The following TBC1D8 variants were observed in gnomAD, a reference collection of about 807,000 sequenced individuals.
TBC1D8 encodes BUB2-like protein 1.
A neutral mutation model predicts 118.8 loss-of-function variants in TBC1D8; 65 were observed. The observed-to-expected ratio is 0.55, with a 90% CI of 0.45 to 0.67. The LOEUF is 0.67. Among genes scored for constraint, TBC1D8 ranks in the 30% least tolerant of loss-of-function variants. The probability of loss-of-function intolerance (pLI) is 0.00; values close to 1 mark genes in which losing one functional copy is unlikely to be tolerated. For missense variants in TBC1D8, 1,376 were observed against 1,471.2 expected (o/e 0.94, Z 1.06); for synonymous variants, 566 against 595.8 (o/e 0.95, Z 0.73).
At chr2:101,028,696 A>G (rs1041583339) in intron 12 of TBC1D8, among the ~76,000 whole-genome samples, 2 of 152,142 alleles carry the variant, frequency 1.3e-5, no homozygotes, top group Admixed American at 1.3e-4. Flanking sequence ...ATGCAAGGTT[A>G]AGCTTCCATC....
chr2:101,037,556 G>C lies in TBC1D8; in HGVS notation c.1428C>G (p.Gly476=). Residue 476 remains glycine (G), a synonymous_variant, in exon 8 of 20, where the codon GGC becomes GGG. Transcript: ENST00000409318. ...DALVTAFQQS[G]SQSPDSRMSR... is the part of the protein sequence containing the mutation. Reference sequence around the variant, plus strand: ...CCATTCGGGAGTCAGGGCTCTGGCTGCCTGACTGCTGGAAGGCGGTGACCA... The same window carrying C: ...CCATTCGGGAGTCAGGGCTCTGGCTCCCTGACTGCTGGAAGGCGGTGACCA... 2 of 1,612,796 alleles carry C rather than the reference G, an allele frequency of 1.2e-6. No homozygotes were observed. The highest frequency in any genetic ancestry group is 2.2e-5 in the South Asian group (2 of 91,032).
rs56291532 is a variant in TBC1D8 at position 101,018,907 on chromosome 2, G to A, written c.2827+2774C>T. On this transcript the variant is annotated intron_variant, in intron 17 of 19. Coordinates refer to ENST00000409318, the MANE Select transcript of TBC1D8 (RefSeq NM_001330348.2). ...ATCCGTAGGTTTATCAATCTGCAGT[G>A]AAAACTGTTGATGTCCTAATCTTCT... 187,263 of 1,517,224 alleles carry A rather than the reference G, an allele frequency of 0.12. 12,921 individuals are homozygous for A. The highest frequency in any genetic ancestry group is 0.14 in the Non-Finnish European group (155,824 of 1,115,906). 94.0% of individuals were successfully genotyped at this position (1,517,224 alleles called of 1,614,324 possible).
At chr2:101,146,791 G>C (rs1050468402) in intron 1 of TBC1D8, among the ~76,000 whole-genome samples, 29 of 152,142 alleles carry the variant, frequency 1.9e-4, no homozygotes, top group African/African-American at 6.5e-4. Context: ...TCACCCTACT[G>C]TGCAAGAAAA....
intron 1 of TBC1D8, among the ~76,000 whole-genome samples, chr2:101,120,914 G>A (rs1678069151): frequency 6.6e-6 from 1 of 152,154 alleles, no homozygotes; most frequent in African/African-American, 2.4e-5. Flanking sequence ...ACACCTGAAA[G>A]CTGAGAGCTG....
intron 1 of TBC1D8, among the ~76,000 whole-genome samples, chr2:101,092,897 T>C (rs1046748055): frequency 5.3e-5 from 8 of 152,118 alleles, no homozygotes; most frequent in Admixed American, 1.3e-4. Context: ...TGTCTGTACA[T>C]GTGTATGTGT....
At chr2:101,150,382 C>T (rs1470419927) in intron 1 of TBC1D8, among the ~76,000 whole-genome samples, 1 of 152,088 alleles carries the variant, frequency 6.6e-6, no homozygotes, top group East Asian at 1.9e-4. Context: ...TCTAATTGTT[C>T]CTTCACTGAC....
At chr2:101,135,439 C>G (rs1458058533) in intron 1 of TBC1D8, among the ~76,000 whole-genome samples, 3 of 152,112 alleles carry the variant, frequency 2.0e-5, no homozygotes, top group African/African-American at 4.8e-5. Flanking sequence ...AATGCCACCA[C>G]CAACCTCACC....
At chr2:101,096,966 C>T (rs1676494702) in intron 1 of TBC1D8, among the ~76,000 whole-genome samples, 1 of 151,950 alleles carries the variant, frequency 6.6e-6, no homozygotes, top group Non-Finnish European at 1.5e-5. Flanking sequence ...AGACACCAAA[C>T]CACAGATCGA....
chr2:101,146,702 A>G (rs374364670), intron 1 of TBC1D8, among the ~76,000 whole-genome samples: 2 of 152,154 alleles, frequency 1.3e-5, no homozygotes, highest in East Asian at 1.9e-4. Flanking sequence ...ACCTCATGCA[A>G]TTATCATTTC....
intron 1 of TBC1D8, among the ~76,000 whole-genome samples, chr2:101,103,875 T>C (rs1677033884): frequency 6.6e-6 from 1 of 151,910 alleles, no homozygotes; most frequent in Non-Finnish European, 1.5e-5. Flanking sequence ...ATAAAAGATA[T>C]ATATATAGAG....
chr2:101,054,099 C>T lies in TBC1D8; in HGVS notation c.631+9G>A. ...TTTATCTTGGAAGAGCCTGCCAGGC[C>T]TCACTTACGTTCCTTGCCCAGGAAG... On this transcript the variant is annotated intron_variant, in intron 4 of 19. Coordinates refer to ENST00000409318, the MANE Select transcript of TBC1D8 (RefSeq NM_001330348.2). The T allele has an allele frequency of 5.0e-6, 8 of 1,602,966 alleles. No individual in the cohort carries two copies. The highest frequency in any genetic ancestry group is 6.0e-6 in the Non-Finnish European group (7 of 1,173,454).
intron 1 of TBC1D8, among the ~76,000 whole-genome samples, chr2:101,107,472 A>G (rs1273478851): frequency 1.3e-5 from 2 of 152,282 alleles, no homozygotes; most frequent in East Asian, 3.9e-4. Flanking sequence ...GAAGATATAT[A>G]TCCTAGAGGT....
At chr2:101,142,239 A>G (rs74747161) in intron 1 of TBC1D8, among the ~76,000 whole-genome samples, 4,086 of 152,250 alleles carry the variant, frequency 0.027, 211 homozygotes, top group African/African-American at 0.093. Flanking sequence ...GGTTGAAAAT[A>G]CACATAGCTA....
intron 2 of TBC1D8, among the ~76,000 whole-genome samples, chr2:101,078,673 C>T (rs115107522): frequency 0.016 from 2,379 of 146,704 alleles, 70 homozygotes; most frequent in African/African-American, 0.057. Context: ...TTTCCTTACA[C>T]TCTCCTCCCT....
At position 101,081,559 on chromosome 2, in the gene TBC1D8, G is replaced by C. The variant is rs139088430; in HGVS notation, c.283+8650C>G. Among the ~76,000 whole-genome samples the C allele has an allele frequency of 1.7e-3, 261 of 152,266 alleles. 3 individuals are homozygous for C. The highest frequency in any genetic ancestry group is 3.7e-3 in the East Asian group (19 of 5,162). Reference sequence around the variant, plus strand: ...CAAGTTTTTCATGAAAGGCAACCCTGAAGTGGGCCCCCTGGGACCCTCCCC... The same window carrying C: ...CAAGTTTTTCATGAAAGGCAACCCTCAAGTGGGCCCCCTGGGACCCTCCCC... On this transcript the variant is annotated intron_variant, in intron 2 of 19. Coordinates refer to ENST00000409318, the MANE Select transcript of TBC1D8 (RefSeq NM_001330348.2).
At chr2:101,094,878 A>G (rs1676292869) in intron 1 of TBC1D8, among the ~76,000 whole-genome samples, 1 of 152,242 alleles carries the variant, frequency 6.6e-6, no homozygotes, top group African/African-American at 2.4e-5. Flanking sequence ...AACGAAGGGC[A>G]TAGGTTAAAC....
In TBC1D8 at chr2:101,090,261, T is replaced by A. The variant is rs370805963; in HGVS notation, c.231A>T (p.Ile77=). The A allele has an allele frequency of 5.6e-6, 9 of 1,613,820 alleles. No homozygotes were observed. Among genetic ancestry groups the A allele is most frequent in the Non-Finnish European group, 6.8e-6 (8 of 1,179,890 alleles). Residue 77 remains isoleucine, a synonymous_variant, in exon 2 of 20, where the codon ATA becomes ATT. Coordinates refer to ENST00000409318, the MANE Select transcript of TBC1D8 (RefSeq NM_001330348.2). ...QVPGSQVYSP[I]ACGELLNGSD... is the part of the protein sequence containing the mutation. ...ATCCATTCAGTAACTCACCACATGC[T>A]ATGGGAGAATAAACCTGGGAGCCGG...
intron 2 of TBC1D8, among the ~76,000 whole-genome samples, chr2:101,086,826 T>C (rs959858076): frequency 2.6e-5 from 4 of 152,216 alleles, no homozygotes; most frequent in Non-Finnish European, 5.9e-5. Context: ...GACTCTGTTG[T>C]CCAGGCTGGA....
rs1679140822 is a variant in TBC1D8, at chr2:101,010,751, A to G, written c.3015+178T>C. 2.6e-5 allele frequency among the ~76,000 whole-genome samples: 4 copies of G among 152,108 alleles called. No homozygotes were observed. The South Asian group carries it at 8.3e-4, about 32-fold the overall frequency. ...TACAAAAATAGCCAGACGTGGTTGC[A>G]CACGCCTGTAATCCCAGCTACTCAG... is the stretch of plus-strand genomic sequence containing the variant. On this transcript the variant is annotated intron_variant, in intron 19 of 19. Coordinates refer to ENST00000409318, the MANE Select transcript of TBC1D8 (RefSeq NM_001330348.2).
Sources: gnomAD v4.1 joint callset for allele counts (sites outside exome capture counted in the v4.1 genomes callset) on GRCh38, gnomAD v4.1.1 for gene constraint, MANE v1.5 for transcripts, NCBI Gene and HGNC (gene_info 2026-07-23, HGNC 2026-07-21) for gene names.